The following PSAP variants were observed in gnomAD, a reference collection of about 807,000 sequenced individuals.
The protein encoded by PSAP is prosaposin.
A neutral mutation model predicts 66.0 loss-of-function variants in PSAP; 25 were observed. That is an observed-to-expected ratio of 0.38 (90% CI 0.28 to 0.53). The LOEUF (loss-of-function observed/expected upper bound fraction) is 0.53, where lower values mean the gene tolerates loss of function less well. PSAP is among the 20% of genes least tolerant of loss of function. PSAP has a pLI of 0.83. For synonymous variants in PSAP, 273 were observed against 258.9 expected, an observed-to-expected ratio of 1.05 and a Z score of -0.52; for missense variants, 649 against 668.8, an observed-to-expected ratio of 0.97 and a Z score of 0.33.
chr10:71,846,659 G>A lies in PSAP; in HGVS notation c.40+4523C>T, dbSNP rs757532013. ...AGGTATGAGAATCACTTAAACCCGG[G>A]AGGTGGAGGTTGCAGTGAGCTGAGA... On this transcript the variant is annotated intron_variant, in intron 1 of 13. Coordinates refer to ENST00000394936, the MANE Select transcript of PSAP (RefSeq NM_002778.4). Among the ~76,000 whole-genome samples, 148 of 150,826 alleles carry A rather than the reference G, an allele frequency of 9.8e-4. 3 individuals carry two copies. The highest frequency in any genetic ancestry group is 2.5e-4 in the Non-Finnish European group (17 of 67,826).
rs138426754 is a variant in PSAP, at chr10:71,841,741, C to A, written c.41-7236G>T. ...CAAAAAATGGCCAGGTGCAGTGGCT[C>A]ACGCCTGTAATTCCAGCACTTTGGG... On this transcript the variant is annotated intron_variant, in intron 1 of 13. Coordinates refer to ENST00000394936, the MANE Select transcript of PSAP (RefSeq NM_002778.4). Among the ~76,000 whole-genome samples, 131 of 152,260 alleles carry A rather than the reference C, an allele frequency of 8.6e-4. 2 individuals carry two copies. Among genetic ancestry groups the A allele is most frequent in the African/African-American group, 3.0e-3 (123 of 41,536 alleles).
chr10:71,830,137 G>GT (rs1194995432), intron 4 of PSAP, among the ~76,000 whole-genome samples: 1 of 152,178 alleles, frequency 6.6e-6, no homozygotes, highest in East Asian at 1.9e-4. Context: ...GCTCCCAAGT[G>GT]TTTAACTTCT....
intron 9 of PSAP, 32 bp downstream of exon 9, chr10:71,820,208 G>T (rs1245618362): frequency 6.4e-7 from 1 of 1,568,714 alleles, no homozygotes; most frequent in Non-Finnish European, 8.8e-7. Flanking sequence ...GGGGGCAGGA[G>T]AGGCCCTCCC....
At chr10:71,848,198 G>C (rs2133071025) in intron 1 of PSAP, among the ~76,000 whole-genome samples, 1 of 152,368 alleles carries the variant, frequency 6.6e-6, no homozygotes, top group South Asian at 2.1e-4. Flanking sequence ...GGACAGGGCA[G>C]TGAATGGGTG....
chr10:71,844,341 T>C (rs1842781734), intron 1 of PSAP, among the ~76,000 whole-genome samples: 1 of 152,194 alleles, frequency 6.6e-6, no homozygotes, highest in Admixed American at 6.5e-5. Flanking sequence ...TAGAAAAAAC[T>C]AGAAATTATC....
At chr10:71,847,451 G>A (rs1405300799) in intron 1 of PSAP, among the ~76,000 whole-genome samples, 1 of 152,160 alleles carries the variant, frequency 6.6e-6, no homozygotes, top group Non-Finnish European at 1.5e-5. Flanking sequence ...GGGAGGCAGA[G>A]GTGGGAAAAT....
intron 7 of PSAP, chr10:71,823,800 C>T (rs892551006): frequency 6.3e-6 from 6 of 946,222 alleles, no homozygotes; most frequent in Non-Finnish European, 8.7e-6. Flanking sequence ...TCTGTCAGAG[C>T]TAATCATGCC....
intron 8 of PSAP, 99 bp from the exon 9 acceptor site, chr10:71,820,434 T>G: frequency 1.0e-6 from 1 of 973,586 alleles, no homozygotes; most frequent in Non-Finnish European, 1.7e-6. Flanking sequence ...CAGGGTGGGT[T>G]AGCACATCAA....
At chr10:71,826,824 G>A (rs895841920) in intron 6 of PSAP, among the ~76,000 whole-genome samples, 1 of 152,066 alleles carries the variant, frequency 6.6e-6, no homozygotes, top group Non-Finnish European at 1.5e-5. Context: ...CCAAAGGACA[G>A]AGTAATTACA....
Position 71,818,788 on chromosome 10 carries a change from A to C in PSAP, c.1432-64T>G, listed in dbSNP as rs1842231072. ...GAGAGCTGCCCGATGTATCGCTTTC[A>C]AAACTAAGAAAACAGTTTCCAGAAG... On this transcript the variant is annotated intron_variant, in intron 12 of 13. Coordinates refer to ENST00000394936, the MANE Select transcript of PSAP (RefSeq NM_002778.4). 5.2e-6 allele frequency: 7 copies of C among 1,342,030 alleles called. No individual in the cohort carries two copies. The Admixed American group carries it at 1.2e-4, about 23-fold the overall frequency. The allele number at this position is 1,342,030 out of a possible 1,614,324, so 83.1% of individuals were successfully genotyped here.
rs762050153 is a variant in PSAP, at chr10:71,831,164, A to C, written c.337T>G (p.Tyr113Asp). Residue 113 changes from tyrosine to aspartate, a missense_variant, in exon 4 of 14, where the codon TAC (tyrosine) becomes GAC (aspartate). Physicochemically the swap from Tyr to Asp is radical, Grantham distance 160. Transcript: ENST00000394936. ...ATGATGTCCAGGATGACAGGGAGGT[A>C]GGAGTCCACTATCTCCTTGCATGAA... ...SASCKEIVDS[Y>D]LPVILDIIKG... The C allele has an allele frequency of 2.5e-5, 40 of 1,614,030 alleles. No individual in the cohort carries two copies. The highest frequency in any genetic ancestry group is 5.0e-5 in the Admixed American group (3 of 59,984).
rs965106749 is a variant in PSAP at position 71,817,134 on chromosome 10, CTG to C, written c.*305_*306del. The C allele has an allele frequency of 4.5e-5, 22 of 486,160 alleles. No homozygotes were observed. In the Admixed American group the frequency reaches 6.6e-4, roughly 15 times the overall value. The allele number at this position is 486,160 out of a possible 1,614,324, so 30.1% of individuals were successfully genotyped here. On this transcript the variant is annotated 3_prime_UTR_variant, in exon 14 of 14. Transcript: ENST00000394936. Reference sequence around the variant, plus strand: ...GGGTTGATGGCCTCCAGTCAAGAAACTGTGGCTCATGCCAGCAGAGCTCTCTC... The same window carrying C: ...GGGTTGATGGCCTCCAGTCAAGAAACTGGCTCATGCCAGCAGAGCTCTCTC...
At chr10:71,850,540 C>G (rs1039008582) in intron 1 of PSAP, among the ~76,000 whole-genome samples, 1 of 152,136 alleles carries the variant, frequency 6.6e-6, no homozygotes, top group African/African-American at 2.4e-5. Context: ...CAGCTGTATC[C>G]CAACCACCTT....
At chr10:71,821,559 A>C (rs1481103751) in intron 8 of PSAP, among the ~76,000 whole-genome samples, 1 of 152,226 alleles carries the variant, frequency 6.6e-6, no homozygotes, top group African/African-American at 2.4e-5. Flanking sequence ...GGACCCAGAC[A>C]GTGCATGTGA....
At position 71,834,354 on chromosome 10, in the gene PSAP, G is replaced by C; in HGVS notation, c.174+18C>G. On this transcript the variant is annotated intron_variant, in intron 2 of 13. Coordinates refer to ENST00000394936, the MANE Select transcript of PSAP (RefSeq NM_002778.4). ...AAGAGGAGTGCTGCGGCTGGGACTG[G>C]AGGGCAGCGGCACTCACCACTGTTG... 6.2e-7 allele frequency: 1 copy of C among 1,613,102 alleles called. No individual in the cohort carries two copies. The highest frequency in any genetic ancestry group is 8.5e-7 in the Non-Finnish European group (1 of 1,180,008).
chr10:71,847,512 C>T (rs550541348), intron 1 of PSAP, among the ~76,000 whole-genome samples: 1 of 152,008 alleles, frequency 6.6e-6, no homozygotes, highest in Non-Finnish European at 1.5e-5. Flanking sequence ...CGCGCCACTG[C>T]ACACCAGCCT....
chr10:71,820,917 A>C (rs1842289651), intron 8 of PSAP, among the ~76,000 whole-genome samples: 2 of 152,244 alleles, frequency 1.3e-5, no homozygotes, highest in Non-Finnish European at 2.9e-5. Flanking sequence ...CTACCTGTGC[A>C]CTGAGCACCT....
At chr10:71,817,995 G>T (rs1842210082) in intron 13 of PSAP, among the ~76,000 whole-genome samples, 1 of 152,232 alleles carries the variant, frequency 6.6e-6, no homozygotes, top group Non-Finnish European at 1.5e-5. Flanking sequence ...TCCCTGCAGT[G>T]GTCCGAAATG....
intron 1 of PSAP, among the ~76,000 whole-genome samples, chr10:71,849,420 C>T (rs1054505086): frequency 6.6e-6 from 1 of 152,162 alleles, no homozygotes; most frequent in Non-Finnish European, 1.5e-5. Flanking sequence ...CCTTAAACTA[C>T]ATATAGTTAC....
Sources: allele counts gnomAD v4.1 joint callset (sites outside exome capture counted in the v4.1 genomes callset), GRCh38; gene constraint gnomAD v4.1.1; transcripts MANE v1.5; gene names NCBI Gene and HGNC (gene_info 2026-07-23, HGNC 2026-07-21).